RBFOX1: variants seen among roughly 807,000 people sequenced by gnomAD.
RBFOX1 encodes RNA binding protein fox-1 homolog 1.
A neutral mutation model predicts 57.7 loss-of-function variants in RBFOX1; 8 were observed. The ratio of observed to expected loss-of-function variants is 0.14; its 90% CI spans 0.08 to 0.25. RBFOX1 has a LOEUF of 0.25. RBFOX1 is among the 10% of genes least tolerant of loss of function. The pLI, the probability that RBFOX1 is intolerant of heterozygous loss-of-function variation, is 1.00. For synonymous variants in RBFOX1, 326 were observed against 222.4 expected, an observed-to-expected ratio of 1.47 and a Z score of -4.15; for missense variants, 611 against 548.5, an observed-to-expected ratio of 1.11 and a Z score of -1.14.
intron 3 of RBFOX1, among the ~76,000 whole-genome samples, chr16:6,926,986 AC>A (rs2075707659): frequency 6.6e-6 from 1 of 152,134 alleles, no homozygotes; most frequent in Non-Finnish European, 1.5e-5. Flanking sequence ...AGCTTCTCAG[AC>A]AGCTTTGTCA....
At chr16:6,971,393 T>A (rs1402521944) in intron 3 of RBFOX1, among the ~76,000 whole-genome samples, 1 of 151,796 alleles carries the variant, frequency 6.6e-6, no homozygotes, top group Non-Finnish European at 1.5e-5. Context: ...TGTGTTTGCT[T>A]GTTTGGGGAG....
At chr16:5,707,749 C>G (rs2051306896) in intron 3 of RBFOX1, among the ~76,000 whole-genome samples, 1 of 152,116 alleles carries the variant, frequency 6.6e-6, no homozygotes, top group Admixed American at 6.6e-5. Flanking sequence ...TTATTGGGTT[C>G]CTTGGGGATT....
At chr16:5,366,507 T>A in intron 1 of RBFOX1, 1 of 429,298 alleles carries the variant, frequency 2.3e-6, no homozygotes, top group East Asian at 5.8e-5. Context: ...AGGAAAAAAC[T>A]GCTAAAACAC....
chr16:6,999,216 A>ATTTTATTT lies in RBFOX1; in HGVS notation c.-15-52837_-15-52836insATTTTTTT, dbSNP rs2092561977. 5.5e-3 allele frequency among the ~76,000 whole-genome samples: 599 copies of ATTTTATTT among 108,988 alleles called. 10 individuals carry two copies. The highest frequency in any genetic ancestry group is 0.045 in the Middle Eastern group (10 of 220). The allele number at this position is 108,988 out of a possible 152,430, so 71.5% of individuals were successfully genotyped here. A position where few individuals can be genotyped will look rare whatever the true frequency, so the allele number is the denominator to read the frequency against. ...TTTATTTTATTTTTTATTTTTATTT[A>ATTTTATTT]TTTTTTTTATTTATTTTTTTTTTTA... On this transcript the variant is annotated intron_variant, in intron 3 of 15. Coordinates refer to ENST00000550418, the MANE Select transcript of RBFOX1 (RefSeq NM_018723.4).
chr16:7,269,909 T>A (rs2153108421), intron 4 of RBFOX1, among the ~76,000 whole-genome samples: 1 of 152,364 alleles, frequency 6.6e-6, no homozygotes, highest in South Asian at 2.1e-4. Context: ...AATCTAGTCA[T>A]TACCAACATT....
intron 3 of RBFOX1, among the ~76,000 whole-genome samples, chr16:6,966,002 T>C (rs1426891679): frequency 6.6e-6 from 1 of 152,124 alleles, no homozygotes; most frequent in African/African-American, 2.4e-5. Context: ...ATGCTCAAAA[T>C]GGAGCGTATC....
chr16:6,740,560 C>A (rs1446563406), intron 3 of RBFOX1, among the ~76,000 whole-genome samples: 1 of 152,164 alleles, frequency 6.6e-6, no homozygotes, highest in Admixed American at 6.5e-5. Context: ...GATATGAAAT[C>A]ACATTGCCAA....
At chr16:6,843,638 G>GTTATAATT (rs2093610071) in intron 3 of RBFOX1, among the ~76,000 whole-genome samples, 1 of 152,140 alleles carries the variant, frequency 6.6e-6, no homozygotes, top group Non-Finnish European at 1.5e-5. Flanking sequence ...GCAGTGAGCC[G>GTTATAATT]ACATCGCGCC....
At chr16:5,721,984 A>G (rs2151535877) in intron 3 of RBFOX1, among the ~76,000 whole-genome samples, 1 of 152,282 alleles carries the variant, frequency 6.6e-6, no homozygotes, top group Middle Eastern at 3.4e-3. Context: ...TGGCATTTTG[A>G]CCCCATAGCA....
chr16:6,719,906 A>G (rs1603458950), intron 3 of RBFOX1, among the ~76,000 whole-genome samples: 1 of 152,006 alleles, frequency 6.6e-6, no homozygotes, highest in Non-Finnish European at 1.5e-5. Context: ...CAGCCTGGCC[A>G]TCATGGTGAA....
chr16:6,653,537 T>G (rs1176614609), intron 2 of RBFOX1, among the ~76,000 whole-genome samples: 7 of 152,094 alleles, frequency 4.6e-5, no homozygotes, highest in African/African-American at 1.7e-4. Context: ...GTTTCACCTT[T>G]TCGTACCAGG....
chr16:5,586,048 G>A (rs1596349082), intron 2 of RBFOX1, among the ~76,000 whole-genome samples: 1 of 152,174 alleles, frequency 6.6e-6, no homozygotes, highest in South Asian at 2.1e-4. Context: ...CATAAAGGGA[G>A]AAGACACAGT....
At chr16:6,630,714 A>T (rs181718668) in intron 2 of RBFOX1, among the ~76,000 whole-genome samples, 43 of 152,294 alleles carry the variant, frequency 2.8e-4, no homozygotes, top group Admixed American at 1.3e-3. Flanking sequence ...AGTCAAGTTT[A>T]AATTCCTAAA....
rs139318508 is a variant in RBFOX1 at position 6,600,719 on chromosome 16, G to A, written c.-63-53884G>A. Among the ~76,000 whole-genome samples, 222 of 152,138 alleles carry A rather than the reference G, an allele frequency of 1.5e-3. 6 individuals are homozygous for A. In the East Asian group the frequency reaches 0.039, roughly 27 times the overall value. ...GATTTACCATTTAGGAAACAGCCCCGTTATGAAACATTTGTCCTCACAGAC... is the reference window on the plus strand; with the variant it reads ...GATTTACCATTTAGGAAACAGCCCCATTATGAAACATTTGTCCTCACAGAC... On this transcript the variant is annotated intron_variant, in intron 2 of 15. Transcript: ENST00000550418.
intron 1 of RBFOX1, among the ~76,000 whole-genome samples, chr16:6,086,602 G>T (rs2096088165): frequency 2.0e-5 from 3 of 152,176 alleles, no homozygotes; most frequent in Admixed American, 2.0e-4. Flanking sequence ...TGCTGACTGG[G>T]CTGGGGGCGC....
Position 5,634,046 on chromosome 16 carries a change from A to G in RBFOX1, c.318+35085A>G, listed in dbSNP as rs115750341. On this transcript the variant is annotated intron_variant, in intron 3 of 19. Transcript: ENST00000641259. Reference sequence around the variant, plus strand: ...TCCTCTACTGCCATCTAGAGGACACAGACTCAAATAAGCGTCATTAGTTGC... The same window carrying G: ...TCCTCTACTGCCATCTAGAGGACACGGACTCAAATAAGCGTCATTAGTTGC... Among the ~76,000 whole-genome samples the G allele has an allele frequency of 9.3e-3, 1,417 of 152,320 alleles. 23 individuals carry two copies. Among genetic ancestry groups the G allele is most frequent in the African/African-American group, 0.03 (1,267 of 41,560 alleles).
intron 4 of RBFOX1, among the ~76,000 whole-genome samples, chr16:7,217,261 C>T (rs28377278): frequency 0.37 from 50,791 of 137,058 alleles, 10,645 homozygotes; most frequent in East Asian, 0.66. Flanking sequence ...TCCACCACAG[C>T]TGGCTAATTA....
At chr16:6,022,400 G>A (rs2095099888) in intron 1 of RBFOX1, among the ~76,000 whole-genome samples, 1 of 152,094 alleles carries the variant, frequency 6.6e-6, no homozygotes, top group Non-Finnish European at 1.5e-5. Context: ...AAATTTTGTG[G>A]CCAGGTGCAG....
intron 1 of RBFOX1, among the ~76,000 whole-genome samples, chr16:5,450,888 A>C (rs757569681): frequency 6.6e-6 from 1 of 152,186 alleles, no homozygotes; most frequent in Non-Finnish European, 1.5e-5. Context: ...AGTCCTGTGC[A>C]GCTCAATAGC....
Sources: allele counts gnomAD v4.1 joint callset (sites outside exome capture counted in the v4.1 genomes callset), GRCh38; gene constraint gnomAD v4.1.1; transcripts MANE v1.5; gene names NCBI Gene and HGNC (gene_info 2026-07-23, HGNC 2026-07-21).